Variants in ALDH1A2 observed in about 807,000 individuals in gnomAD.
ALDH1A2 encodes the protein aldehyde dehydrogenase 1 family member A2.
A neutral mutation model predicts 60.3 loss-of-function variants in ALDH1A2; 27 were observed. The ratio of observed to expected loss-of-function variants is 0.45; its 90% confidence interval spans 0.33 to 0.62. The LOEUF (loss-of-function observed/expected upper bound fraction) is 0.62, where lower values mean the gene tolerates loss of function less well. Among genes scored for constraint, ALDH1A2 ranks in the 20% least tolerant of loss-of-function variants. The probability of loss-of-function intolerance (pLI) is 0.02; values close to 1 mark genes in which losing one functional copy is unlikely to be tolerated. For missense variants in ALDH1A2, 581 were observed against 643.8 expected (o/e 0.90, Z 1.06); for synonymous variants, 289 against 232.4 (o/e 1.24, Z -2.21).
intron 9 of ALDH1A2, among the ~76,000 whole-genome samples, chr15:57,962,763 A>G (rs575080181): frequency 6.6e-6 from 1 of 152,196 alleles, no homozygotes; most frequent in Non-Finnish European, 1.5e-5. Flanking sequence ...TTTGCTTATT[A>G]TGGTAAATAA....
intron 4 of ALDH1A2, among the ~76,000 whole-genome samples, chr15:57,996,228 T>C (rs1360399912): frequency 6.6e-6 from 1 of 152,090 alleles, no homozygotes; most frequent in Non-Finnish European, 1.5e-5. Flanking sequence ...CTAAATCACA[T>C]TTATCACACA....
chr15:58,043,853 T>C (rs1164692506), intron 1 of ALDH1A2, among the ~76,000 whole-genome samples: 1 of 152,012 alleles, frequency 6.6e-6, no homozygotes, highest in East Asian at 1.9e-4. Flanking sequence ...TTTCTCGGTC[T>C]AAACATAGTA....
rs1423467595 is a variant in ALDH1A2, at chr15:57,954,163, TGATA to T, written c.*1030_*1033del. The T allele has an allele frequency of 1.3e-5, 2 of 152,380 alleles. No homozygotes were observed. Among genetic ancestry groups the T allele is most frequent in the Non-Finnish European group, 2.9e-5 (2 of 68,050 alleles). The allele number at this position is 152,380 out of a possible 1,614,324, so 9.4% of individuals were successfully genotyped here. ...CTGCCAATAGATACAGGGCACATTA[TGATA>T]GATGTACAGTGTGACAGACCAAAAT... On this transcript the variant is annotated 3_prime_UTR_variant, in exon 13 of 13. Transcript: ENST00000249750.
At chr15:58,000,272 C>G (rs1209065455) in intron 4 of ALDH1A2, among the ~76,000 whole-genome samples, 1 of 151,858 alleles carries the variant, frequency 6.6e-6, no homozygotes, top group African/African-American at 2.4e-5. Flanking sequence ...GGTGACACCC[C>G]TAGTCTGATC....
chr15:57,975,212 G>A (rs1316842524), intron 7 of ALDH1A2, among the ~76,000 whole-genome samples: 1 of 130,778 alleles, frequency 7.6e-6, no homozygotes, highest in Non-Finnish European at 1.9e-5. Flanking sequence ...TTACCTAAGA[G>A]AAAAGGACAT....
chr15:58,038,290 A>G (rs190920356), intron 1 of ALDH1A2, among the ~76,000 whole-genome samples: 6 of 151,682 alleles, frequency 4.0e-5, no homozygotes, highest in African/African-American at 1.4e-4. Context: ...GTATCTTCCT[A>G]TCTCTAGGAG....
chr15:57,995,216 G>GAAAAAA, intron 4 of ALDH1A2, 77 bp from the exon 5 acceptor site: 8 of 283,582 alleles, frequency 2.8e-5, no homozygotes, highest in East Asian at 2.1e-4. Flanking sequence ...TTTGGTGGCT[G>GAAAAAA]CAAAAAAAAA....
intron 1 of ALDH1A2, among the ~76,000 whole-genome samples, chr15:58,041,338 G>A (rs560452396): frequency 1.3e-5 from 2 of 151,932 alleles, no homozygotes; most frequent in Non-Finnish European, 2.9e-5. Flanking sequence ...CAGAGAATTT[G>A]CACAGACCAG....
chr15:58,034,342 C>T (rs147990873), intron 1 of ALDH1A2, among the ~76,000 whole-genome samples: 19 of 151,610 alleles, frequency 1.3e-4, no homozygotes, highest in African/African-American at 4.1e-4. Context: ...ATAGTAATCC[C>T]GTCAGTTCTA....
chr15:58,048,934 C>T (rs1317881427), intron 1 of ALDH1A2, among the ~76,000 whole-genome samples: 6 of 146,628 alleles, frequency 4.1e-5, no homozygotes, highest in Non-Finnish European at 7.4e-5. Context: ...CCCACCCCAC[C>T]CCACAAATTT....
rs951471129 is a variant in ALDH1A2, at chr15:58,013,742, A to C, written c.363+116T>G. The C allele has an allele frequency of 2.7e-5, 37 of 1,378,946 alleles. No individual in the cohort carries two copies. The African/African-American group carries it at 3.8e-4, about 14-fold the overall frequency. 85.4% of individuals were successfully genotyped at this position (1,378,946 alleles called of 1,614,324 possible). A position where few individuals can be genotyped will look rare whatever the true frequency, so the allele number is the denominator to read the frequency against. On this transcript the variant is annotated intron_variant, in intron 3 of 12. Transcript: ENST00000249750. ...GCTCCAGCCTGGGCGACAGAGCTAG[A>C]CTCCGTCTCAAAAAATAAAATAAAT...
intron 1 of ALDH1A2, among the ~76,000 whole-genome samples, chr15:58,028,823 AG>A: frequency 6.6e-6 from 1 of 152,324 alleles, no homozygotes; most frequent in South Asian, 2.1e-4. Context: ...ATAATGGTAT[AG>A]GGATCAATTC....
chr15:58,006,859 T>TAA (rs35453203), intron 4 of ALDH1A2, among the ~76,000 whole-genome samples: 170 of 139,880 alleles, frequency 1.2e-3, no homozygotes, highest in African/African-American at 4.4e-3. Flanking sequence ...CTCATATTGT[T>TAA]AAAAAAAAAA....
At chr15:58,062,225 C>T (rs1399760032) in intron 1 of ALDH1A2, among the ~76,000 whole-genome samples, 2 of 151,446 alleles carry the variant, frequency 1.3e-5, no homozygotes, top group Non-Finnish European at 2.9e-5. Flanking sequence ...AAAAAAAAAA[C>T]ATAACTCTTT....
At chr15:58,058,362 G>A (rs1386790224) in intron 1 of ALDH1A2, among the ~76,000 whole-genome samples, 1 of 150,764 alleles carries the variant, frequency 6.6e-6, no homozygotes, top group Non-Finnish European at 1.5e-5. Flanking sequence ...TATTTCGCCA[G>A]ATTCATTTAC....
chr15:57,999,597 A>G (rs1895189525), intron 4 of ALDH1A2, among the ~76,000 whole-genome samples: 1 of 151,828 alleles, frequency 6.6e-6, no homozygotes, highest in African/African-American at 2.4e-5. Context: ...CACTTTGTTT[A>G]CATTCCCACT....
chr15:57,982,864 G>A (rs1894562441), intron 7 of ALDH1A2, among the ~76,000 whole-genome samples: 2 of 152,106 alleles, frequency 1.3e-5, no homozygotes, highest in South Asian at 2.1e-4. Context: ...GAACACTGAG[G>A]CTACATGTTT....
intron 4 of ALDH1A2, among the ~76,000 whole-genome samples, chr15:58,008,792 A>G (rs1895539643): frequency 6.6e-6 from 1 of 152,126 alleles, no homozygotes; most frequent in South Asian, 2.1e-4. Flanking sequence ...CCACCTAAAA[A>G]GACTGACATG....
At chr15:58,019,728 T>A (rs4383080) in intron 1 of ALDH1A2, among the ~76,000 whole-genome samples, 152,350 of 152,350 alleles carry the variant, frequency 1, 76,175 homozygotes, top group Non-Finnish European at 1. Flanking sequence ...TGTTGTTGGT[T>A]TTAAAAAGAC....
Sources: gnomAD v4.1 joint callset for allele counts (sites outside exome capture counted in the v4.1 genomes callset) on GRCh38, gnomAD v4.1.1 for gene constraint, MANE v1.5 for transcripts, NCBI Gene and HGNC (gene_info 2026-07-23, HGNC 2026-07-21) for gene names.